Variants in CCNB1IP1 observed in about 807,000 individuals in gnomAD.
The protein encoded by CCNB1IP1 is E3 ubiquitin-protein ligase CCNB1IP1.
CCNB1IP1 carries 14 observed loss-of-function variants against 25.6 expected under a neutral mutation model. That is an observed-to-expected ratio of 0.55 (90% CI 0.36 to 0.85). The LOEUF (loss-of-function observed/expected upper bound fraction) is 0.85, where lower values mean the gene tolerates loss of function less well. CCNB1IP1 is among the 40% of genes least tolerant of loss of function. The probability of loss-of-function intolerance (pLI) is 0.01; values close to 1 mark genes in which losing one functional copy is unlikely to be tolerated. For synonymous variants in CCNB1IP1, 119 were observed against 116.1 expected (o/e 1.02, Z -0.16); for missense variants, 278 against 342.4 (o/e 0.81, Z 1.48).
chr14:20,316,114 A>T, intron 5 of CCNB1IP1, 113 bp downstream of exon 5: 1 of 897,060 alleles, frequency 1.1e-6, no homozygotes. Flanking sequence ...TAATAAAAAG[A>T]GTTTCTCATA....
intron 1 of CCNB1IP1, among the ~76,000 whole-genome samples, chr14:20,331,072 C>G (rs1398256963): frequency 2.0e-5 from 3 of 152,224 alleles, no homozygotes; most frequent in African/African-American, 7.2e-5. Context: ...AAGACTAAAA[C>G]AGCTTTGGAG....
chr14:20,317,307 G>A (rs975829829), intron 4 of CCNB1IP1, among the ~76,000 whole-genome samples: 2 of 152,130 alleles, frequency 1.3e-5, no homozygotes, highest in Non-Finnish European at 2.9e-5. Context: ...TCAGGAGGCT[G>A]AGGCAGGAGA....
rs117093816 is a variant in CCNB1IP1 at position 20,316,248 on chromosome 14, C to A, written c.276G>T (p.Ala92=). The A allele has an allele frequency of 1.1e-3, 1,792 of 1,613,754 alleles. 36 individuals carry two copies. In the East Asian group the frequency reaches 0.036, roughly 33 times the overall value. The change falls in exon 5 of 7, where the codon GCG becomes GCT. Residue 92 remains alanine, a synonymous_variant. Transcript: ENST00000358932. The part of the protein sequence containing the change: ...PEIVLDISSR[A]LAFWTYQVHQ... ...TAACCTGATATGTCCAGAAGGCCAG[C>A]GCTCGGGAGCTAATGTCCAACACGA... is the stretch of plus-strand genomic sequence containing the variant.
intron 1 of CCNB1IP1, among the ~76,000 whole-genome samples, chr14:20,332,026 A>ATATTTTTTTT (rs59034398): frequency 9.8e-5 from 4 of 40,740 alleles, no homozygotes; most frequent in African/African-American, 1.7e-4. Flanking sequence ...ATATATATAT[A>ATATTTTTTTT]TTTTTTTTTT....
chr14:20,316,020 A>G (rs1158808656), intron 5 of CCNB1IP1, among the ~76,000 whole-genome samples: 1 of 152,224 alleles, frequency 6.6e-6, no homozygotes, highest in African/African-American at 2.4e-5. Context: ...AACAATGGTT[A>G]TCTCTGAGTG....
chr14:20,323,777 G>T (rs567182414), intron 4 of CCNB1IP1, among the ~76,000 whole-genome samples: 57 of 152,024 alleles, frequency 3.7e-4, no homozygotes, highest in Non-Finnish European at 7.2e-4. Context: ...AATTAGCCAG[G>T]CGTGGTGGCG....
chr14:20,325,457 C>T (rs913016568), intron 4 of CCNB1IP1, 82 bp downstream of exon 4: 5 of 150,888 alleles, frequency 3.3e-5, no homozygotes, highest in Non-Finnish European at 7.4e-5. Context: ...AGCACCTTAG[C>T]AGCTGGCCAT....
intron 3 of CCNB1IP1, among the ~76,000 whole-genome samples, chr14:20,325,854 A>G (rs1472597879): frequency 6.6e-6 from 1 of 152,164 alleles, no homozygotes; most frequent in Non-Finnish European, 1.5e-5. Context: ...AAATTAGAAA[A>G]TAGGTTTATA....
intron 4 of CCNB1IP1, among the ~76,000 whole-genome samples, chr14:20,319,390 G>GAT (rs1387267342): frequency 5.3e-5 from 8 of 152,180 alleles, no homozygotes; most frequent in Non-Finnish European, 1.0e-4. Flanking sequence ...CCTAACATCT[G>GAT]TTTTTGGCTG....
Position 20,311,576 on chromosome 14 carries a change from T to G in CCNB1IP1, c.808A>C (p.Arg270=). The G allele has an allele frequency of 6.2e-7, 1 of 1,613,706 alleles. No individual in the cohort carries two copies. The highest frequency in any genetic ancestry group is 8.5e-7 in the Non-Finnish European group (1 of 1,179,956). ...CAAATTCTTTTTACTTTGAAGGCCC[T>G]GCTAGAAACTTGCTGCTGCTCTAAT... is the stretch of plus-strand genomic sequence containing the variant. ...RELEQQQVSS[R]AFKVKRI The change falls in exon 7 of 7, where the codon AGG becomes CGG. Residue 270 remains arginine (R), a synonymous_variant. Transcript: ENST00000358932.
At chr14:20,332,990 G>A (rs1883297709) in intron 1 of CCNB1IP1, 1 of 152,174 alleles carries the variant, frequency 6.6e-6, no homozygotes, top group East Asian at 1.9e-4. Context: ...CACGCACTGT[G>A]CACATGAAGC....
At chr14:20,330,012 A>C (rs1480619245) in intron 1 of CCNB1IP1, among the ~76,000 whole-genome samples, 1 of 151,934 alleles carries the variant, frequency 6.6e-6, no homozygotes, top group Non-Finnish European at 1.5e-5. Flanking sequence ...TAAATGTTTA[A>C]TATGTTATTT....
intron 4 of CCNB1IP1, among the ~76,000 whole-genome samples, chr14:20,322,434 T>G (rs1292649218): frequency 6.6e-6 from 1 of 152,128 alleles, no homozygotes; most frequent in Non-Finnish European, 1.5e-5. Flanking sequence ...TCATGGAGTT[T>G]ACAATCTACC....
chr14:20,316,902 A>G (rs986066391), intron 4 of CCNB1IP1, among the ~76,000 whole-genome samples: 1 of 152,170 alleles, frequency 6.6e-6, no homozygotes, highest in Non-Finnish European at 1.5e-5. Flanking sequence ...TCAGGTCAGG[A>G]GTTCCAGACC....
chr14:20,316,455 T>G lies in CCNB1IP1; in HGVS notation c.69A>C (p.Ala23=), dbSNP rs770898928. ...AGATGTGAGAGCAGGCAGTGACCCA[T>G]GCATAGCCAGAGAGTTTGATGCGAC... ...RKCRIKLSGY[A]WVTACSHIFC... Residue 23 remains alanine, a synonymous_variant, in exon 5 of 7, where the codon GCA becomes GCC. Coordinates refer to ENST00000358932, the MANE Select transcript of CCNB1IP1 (RefSeq NM_021178.5). 6.2e-7 allele frequency: 1 copy of G among 1,613,722 alleles called. No individual in the cohort carries two copies. Among genetic ancestry groups the G allele is most frequent in the East Asian group, 2.2e-5 (1 of 44,880 alleles).
At chr14:20,321,875 A>G (rs138366657) in intron 4 of CCNB1IP1, among the ~76,000 whole-genome samples, 135 of 152,356 alleles carry the variant, frequency 8.9e-4, no homozygotes, top group African/African-American at 3.1e-3. Flanking sequence ...CAGACTTTCA[A>G]TATTTGGATT....
In CCNB1IP1 at chr14:20,320,866, A is replaced by C. The variant is rs1427136213; in HGVS notation, c.-37-4306T>G. Reference sequence around the variant, plus strand: ...TTTCCATGAGAATCAGGCCAGGCGCAATGGCTCACGCCTATAATCCCAGCA... The same window carrying C: ...TTTCCATGAGAATCAGGCCAGGCGCCATGGCTCACGCCTATAATCCCAGCA... On this transcript the variant is annotated intron_variant, in intron 4 of 6. Transcript: ENST00000358932. Among the ~76,000 whole-genome samples, 4 of 150,846 alleles carry C rather than the reference A, an allele frequency of 2.7e-5. No homozygotes were observed. The East Asian group carries it at 7.9e-4, about 30-fold the overall frequency.
At position 20,332,032 on chromosome 14, in the gene CCNB1IP1, T is replaced by A. The variant is rs1314358125; in HGVS notation, c.-431+1222A>T. 8.4e-3 allele frequency among the ~76,000 whole-genome samples: 817 copies of A among 96,730 alleles called. 4 individuals are homozygous for A. The highest frequency in any genetic ancestry group is 0.037 in the African/African-American group (640 of 17,346). 63.5% of individuals were successfully genotyped at this position (96,730 alleles called of 152,430 possible). ...TATATATATATATATATATATTTTT[T>A]TTTTTTTTTTTTTTTTTTTGAGACA... On this transcript the variant is annotated intron_variant, in intron 1 of 6. Coordinates refer to ENST00000358932, the MANE Select transcript of CCNB1IP1 (RefSeq NM_021178.5).
intron 6 of CCNB1IP1, 124 bp from the exon 7 acceptor site, chr14:20,311,876 AAAAC>A (rs1882498177): frequency 1.8e-6 from 1 of 546,738 alleles, no homozygotes; most frequent in Non-Finnish European, 2.9e-6. Context: ...GTCTTAGAAA[AAAAC>A]AGACATATAA....
Sources: allele counts gnomAD v4.1 joint callset (sites outside exome capture counted in the v4.1 genomes callset), GRCh38; gene constraint gnomAD v4.1.1; transcripts MANE v1.5; gene names NCBI Gene and HGNC (gene_info 2026-07-23, HGNC 2026-07-21).